The following GSTA4 variants were observed in gnomAD, a reference collection of about 807,000 sequenced individuals.
GSTA4 encodes glutathione S-transferase alpha 4.
GSTA4 carries 15 observed loss-of-function variants against 24.4 expected under a neutral mutation model. The ratio of observed to expected loss-of-function variants is 0.61; its 90% confidence interval spans 0.41 to 0.95. GSTA4 has a LOEUF of 0.95. Among genes scored for constraint, GSTA4 ranks in the 40% least tolerant of loss-of-function variants. GSTA4 has a pLI of 0.00. For missense variants in GSTA4, 244 were observed against 262.1 expected (o/e 0.93, Z 0.48); for synonymous variants, 92 against 94.2 (o/e 0.98, Z 0.13).
intron 2 of GSTA4, among the ~76,000 whole-genome samples, chr6:52,989,861 T>G (rs1425603633): frequency 6.6e-6 from 1 of 152,190 alleles, no homozygotes; most frequent in Non-Finnish European, 1.5e-5. Flanking sequence ...GTTATTTATT[T>G]ATTTTTTCTT....
chr6:52,979,754 C>T (rs1439417275), intron 6 of GSTA4, among the ~76,000 whole-genome samples: 2 of 152,142 alleles, frequency 1.3e-5, no homozygotes, highest in African/African-American at 4.8e-5. Flanking sequence ...AACATACATA[C>T]GTCACTAATA....
intron 5 of GSTA4, among the ~76,000 whole-genome samples, chr6:52,984,037 T>C: frequency 6.6e-6 from 1 of 152,102 alleles, no homozygotes; most frequent in East Asian, 1.9e-4. Flanking sequence ...AAAGGGAAGA[T>C]AAATAAAATG....
At position 52,978,393 on chromosome 6, in the gene GSTA4, C is replaced by T. The variant is rs1763385010; in HGVS notation, c.*77G>A. ...ATACATAGATAGCACCATGACAGAG[C>T]TGGGATCCATTAAGACATGACTGTA... On this transcript the variant is annotated 3_prime_UTR_variant, in exon 7 of 7. Transcript: ENST00000370963. The T allele has an allele frequency of 2.1e-6, 3 of 1,429,160 alleles. No individual in the cohort carries two copies. 88.5% of individuals were successfully genotyped at this position (1,429,160 alleles called of 1,614,324 possible).
chr6:52,981,707 A>AGG (rs1763454109), intron 6 of GSTA4, among the ~76,000 whole-genome samples: 1 of 148,146 alleles, frequency 6.8e-6, no homozygotes, highest in Non-Finnish European at 1.5e-5. Context: ...ACTTGGAGAT[A>AGG]AAAGGCTAAG....
chr6:52,989,285 A>G (rs866724924), intron 2 of GSTA4, among the ~76,000 whole-genome samples: 8 of 152,174 alleles, frequency 5.3e-5, no homozygotes, highest in Non-Finnish European at 8.8e-5. Context: ...ACTGCTCTAT[A>G]GAGTAGCCAT....
At chr6:52,993,991 T>C in intron 2 of GSTA4, 166 bp downstream of exon 2, 1 of 700,338 alleles carries the variant, frequency 1.4e-6, no homozygotes, top group Non-Finnish European at 2.6e-6. Context: ...AACTACGTTC[T>C]AATTATAAAG....
chr6:52,985,652 T>C, intron 3 of GSTA4, 69 bp from the exon 4 acceptor site: 1 of 1,510,222 alleles, frequency 6.6e-7, no homozygotes, highest in Non-Finnish European at 9.1e-7. Flanking sequence ...AAAAATGCTC[T>C]GTGGAATGAA....
At position 52,984,613 on chromosome 6, in the gene GSTA4, CA is replaced by C; in HGVS notation, c.273-9del. 6.3e-7 allele frequency: 1 copy of C among 1,593,918 alleles called. No individual in the cohort carries two copies. Among genetic ancestry groups the C allele is most frequent in the Non-Finnish European group, 8.5e-7 (1 of 1,170,372 alleles). On this transcript the variant is annotated splice_polypyrimidine_tract_variant and intron_variant, in intron 4 of 6. Coordinates refer to ENST00000370963, the MANE Select transcript of GSTA4 (RefSeq NM_001512.4). ...TCCACGTACATGTCAATCCTTAAAA[CA>C]AAAAAGCAGTTGTCTCAGTTTCTCC...
At chr6:52,980,684 T>C (rs779844652) in intron 6 of GSTA4, among the ~76,000 whole-genome samples, 1 of 152,212 alleles carries the variant, frequency 6.6e-6, no homozygotes, top group Non-Finnish European at 1.5e-5. Context: ...AAGGTACTTC[T>C]AGTACTTCTA....
chr6:52,989,220 G>A (rs1444033479), intron 2 of GSTA4, among the ~76,000 whole-genome samples: 1 of 152,188 alleles, frequency 6.6e-6, no homozygotes, highest in Non-Finnish European at 1.5e-5. Flanking sequence ...TTACCCCATT[G>A]TTTAGCATAT....
rs571596436 is a variant in GSTA4, at chr6:52,987,168, C to G, written c.139+189G>C. Among the ~76,000 whole-genome samples the G allele has an allele frequency of 5.9e-5, 9 of 152,236 alleles. 1 individual carries two copies. The South Asian group carries it at 1.7e-3, about 28-fold the overall frequency. ...GGAACTGCTCACCCCCTTCGGCCAG[C>G]TTTTATGGAACTATTGAATAAGAAG... On this transcript the variant is annotated intron_variant, in intron 3 of 6. Coordinates refer to ENST00000370963, the MANE Select transcript of GSTA4 (RefSeq NM_001512.4).
chr6:52,978,666 A>G (rs1275495810), intron 6 of GSTA4, 74 bp from the exon 7 acceptor site: 1 of 1,065,744 alleles, frequency 9.4e-7, no homozygotes, highest in East Asian at 2.5e-5. Flanking sequence ...GTTATGCAAA[A>G]TGGCCCACCA....
At chr6:52,981,616 A>G (rs2127383613) in intron 6 of GSTA4, among the ~76,000 whole-genome samples, 1 of 152,348 alleles carries the variant, frequency 6.6e-6, no homozygotes, top group Non-Finnish European at 1.5e-5. Flanking sequence ...TTAAAAATGT[A>G]AAAATTATTC....
chr6:52,979,210 G>C (rs766979931), intron 6 of GSTA4, among the ~76,000 whole-genome samples: 30 of 152,280 alleles, frequency 2.0e-4, no homozygotes, highest in Non-Finnish European at 4.0e-4. Context: ...AAAGAAATCT[G>C]TAACTGGTTG....
In GSTA4 at chr6:52,982,674, A is replaced by G. The variant is rs1175354921; in HGVS notation, c.446T>C (p.Val149Ala). ...ATCTGCAAGGCTCAGCTGATTACCA[A>G]CAAGAAAGCTTTGTCCGTGACCCCT... is the stretch of plus-strand genomic sequence containing the variant. ...ILRGHGQSFL[V>A]GNQLSLADVI... Residue 149 changes from valine (V) to alanine (A), a missense_variant, in exon 6 of 7, where the codon GTT becomes GCT. Transcript: ENST00000370963. 3.1e-6 allele frequency: 5 copies of G among 1,612,590 alleles called. No homozygotes were observed. The highest frequency in any genetic ancestry group is 4.2e-6 in the Non-Finnish European group (5 of 1,178,694).
chr6:52,990,279 G>A (rs1763638904), intron 2 of GSTA4, among the ~76,000 whole-genome samples: 3 of 152,222 alleles, frequency 2.0e-5, no homozygotes, highest in Admixed American at 6.5e-5. Context: ...TTACTCAGAT[G>A]TGTGTGCTTC....
At chr6:52,988,431 G>A (rs1051534261) in intron 2 of GSTA4, among the ~76,000 whole-genome samples, 4 of 152,120 alleles carry the variant, frequency 2.6e-5, no homozygotes, top group African/African-American at 7.2e-5. Context: ...AATCAAACTT[G>A]GCTCCCCAGT....
At chr6:52,985,627 GT>G in intron 3 of GSTA4, 44 bp from the exon 4 acceptor site, 1 of 1,602,002 alleles carries the variant, frequency 6.2e-7, no homozygotes, top group Non-Finnish European at 8.5e-7. Context: ...TTTCTTCTCT[GT>G]CCCCCAACCC....
rs564910451 is a variant in GSTA4, at chr6:52,987,157, C to A, written c.139+200G>T. On this transcript the variant is annotated intron_variant, in intron 3 of 6. Transcript: ENST00000370963. ...GGGATGTGGAAGGAACTGCTCACCC[C>A]CTTCGGCCAGCTTTTATGGAACTAT... Among the ~76,000 whole-genome samples, 283 of 152,208 alleles carry A rather than the reference C, an allele frequency of 1.9e-3. 2 individuals carry two copies. Among genetic ancestry groups the A allele is most frequent in the Non-Finnish European group, 3.0e-3 (204 of 68,022 alleles).
Sources: gnomAD v4.1 joint callset for allele counts (sites outside exome capture counted in the v4.1 genomes callset) on GRCh38, gnomAD v4.1.1 for gene constraint, MANE v1.5 for transcripts, NCBI Gene and HGNC (gene_info 2026-07-23, HGNC 2026-07-21) for gene names.